FOXF2: variants seen among roughly 807,000 people sequenced by gnomAD.
FOXF2 encodes forkhead box F2.
Under a neutral mutation model 29.1 loss-of-function variants are expected in FOXF2, and 15 were observed. The observed-to-expected ratio is 0.52, with a 90% CI of 0.35 to 0.79. The LOEUF is 0.79. Ranked by LOEUF, FOXF2 falls within the 30% of genes least tolerant of loss-of-function variation. The pLI is 0.01. For synonymous variants in FOXF2, 337 were observed against 316.5 expected (o/e 1.06, Z -0.69); for missense variants, 675 against 667.1 (o/e 1.01, Z -0.13).
chr6:1,390,440 C>A lies in FOXF2; in HGVS notation c.493C>A (p.Leu165Ile). The change falls in exon 1 of 2, where the codon CTC becomes ATC. Residue 165 changes from leucine (L) to isoleucine (I), a missense_variant. Physicochemically the swap from Leu to Ile is conservative, Grantham distance 5. Transcript: ENST00000645481. This position sits in a 1 kb window ranked among gnomAD's most constrained non-coding sequence, Gnocchi z 8.5. Reference protein sequence around the residue: ...NECFIKLPKGLGRPGKGHYWT... With the variant: ...NECFIKLPKGIGRPGKGHYWT... ...GTGCTTCATCAAGCTGCCTAAGGGC[C>A]TCGGGCGGCCCGGCAAGGGCCACTA... is the stretch of plus-strand genomic sequence containing the variant. 6.2e-7 allele frequency: 1 copy of A among 1,612,016 alleles called. No individual in the cohort carries two copies. Among genetic ancestry groups the A allele is most frequent in the South Asian group, 1.1e-5 (1 of 91,090 alleles).
rs1257382159 is a variant in FOXF2 at position 1,394,990 on chromosome 6, G to A, written c.*131G>A. On this transcript the variant is annotated 3_prime_UTR_variant, in exon 2 of 2. Coordinates refer to ENST00000645481, the MANE Select transcript of FOXF2 (RefSeq NM_001452.2). ...CACACACCTGCCACTTAGCCAGAATGCCCAGGATCGCGTTGGTCACTGTTA... is the reference window on the plus strand; with the variant it reads ...CACACACCTGCCACTTAGCCAGAATACCCAGGATCGCGTTGGTCACTGTTA... The A allele has an allele frequency of 4.4e-6, 4 of 905,416 alleles. No homozygotes were observed. The African/African-American group carries it at 6.6e-5, about 15-fold the overall frequency. 56.1% of individuals were successfully genotyped at this position (905,416 alleles called of 1,614,324 possible).
intron 1 of FOXF2, among the ~76,000 whole-genome samples, chr6:1,391,598 C>G (rs1612847): frequency 0.87 from 131,987 of 152,078 alleles, 57,809 homozygotes; most frequent in East Asian, 1. Flanking sequence ...GTGTCTGCAG[C>G]GAGATGTTTG....
At chr6:1,392,810 C>CCCAGCGGCCT (rs1233730761) in intron 1 of FOXF2, among the ~76,000 whole-genome samples, 1 of 152,244 alleles carries the variant, frequency 6.6e-6, no homozygotes, top group Non-Finnish European at 1.5e-5. Flanking sequence ...TGTGCCCCTA[C>CCCAGCGGCCT]CCAGCGGCCT....
Position 1,390,846 on chromosome 6 carries a change from C to A in FOXF2, c.899C>A (p.Ala300Asp). 2.9e-6 allele frequency: 4 copies of A among 1,375,254 alleles called. No homozygotes were observed. Among genetic ancestry groups the A allele is most frequent in the Non-Finnish European group, 3.7e-6 (4 of 1,081,972 alleles). 85.2% of individuals were successfully genotyped at this position (1,375,254 alleles called of 1,614,324 possible). The change falls in exon 1 of 2, where the codon GCC (alanine) becomes GAC (aspartate). Residue 300 changes from alanine to aspartate, a missense_variant. This residue lies in a region of FOXF2 where 451 missense variants were observed against 437.2 expected (regional missense o/e 1.03). Transcript: ENST00000645481. The surrounding 1 kb of genome is among the most constrained non-coding windows in gnomAD (Gnocchi z 8.5). ...VPAGPGGVGA[A>D]GGGGGGDYGP... ...GCGGGACCCGGGGGCGTCGGTGCGG[C>A]CGGGGGCGGCGGCGGCGGCGACTAC... is the stretch of plus-strand genomic sequence containing the variant.
In FOXF2 at chr6:1,391,001, C is replaced by T. The variant is rs745854732; in HGVS notation, c.1054C>T (p.Pro352Ser). ...SPGASPYLKQ[P>S]PALTPSSNPA... ...TGGCGCCTCGCCTTACCTCAAGCAG[C>T]CGCCTGCCCTGACGCCCAGCAGCAA... The change falls in exon 1 of 2, where the codon CCG becomes TCG. Residue 352 changes from proline (P) to serine (S), a missense_variant. By Grantham distance (74) the Pro-to-Ser change is moderately conservative (BLOSUM62 -1). Around this residue, in one of 3 missense-constraint regions of FOXF2, gnomAD observed 451 missense variants for 437.2 expected, o/e 1.03. Transcript: ENST00000645481. The T allele has an allele frequency of 1.3e-6, 2 of 1,596,988 alleles. No homozygotes were observed. Among genetic ancestry groups the T allele is most frequent in the Non-Finnish European group, 8.5e-7 (1 of 1,177,900 alleles).
Position 1,390,602 on chromosome 6 carries a change from T to A in FOXF2, c.655T>A (p.Ser219Thr). Residue 219 changes from serine to threonine, a missense_variant, in exon 1 of 2, where the codon TCG becomes ACG. By Grantham distance (58) the Ser-to-Thr change is moderately conservative (BLOSUM62 1). Coordinates refer to ENST00000645481, the MANE Select transcript of FOXF2 (RefSeq NM_001452.2). The surrounding 1 kb of genome is among the most constrained non-coding windows in gnomAD (Gnocchi z 8.5). Reference protein sequence around the residue: ...RVVSGLGFGASLLPQGFDFQA... With the variant: ...RVVSGLGFGATLLPQGFDFQA... ...GGTGAGCGGCTTGGGCTTCGGGGCG[T>A]CGCTGCTGCCCCAGGGCTTCGACTT... The A allele has an allele frequency of 1.3e-6, 2 of 1,595,456 alleles. No individual in the cohort carries two copies. The highest frequency in any genetic ancestry group is 1.7e-6 in the Non-Finnish European group (2 of 1,176,376).
At chr6:1,393,060 G>A (rs1445353061) in intron 1 of FOXF2, among the ~76,000 whole-genome samples, 3 of 152,218 alleles carry the variant, frequency 2.0e-5, no homozygotes, top group Non-Finnish European at 2.9e-5. Context: ...GGCCTAGTTG[G>A]GAGCGCGCCG....
chr6:1,391,104 G>A lies in FOXF2; in HGVS notation c.1157G>A (p.Arg386His), dbSNP rs376820659. Residue 386 changes from arginine to histidine, a missense_variant, in exon 1 of 2, where the codon CGC (arginine) becomes CAC (histidine). Arg to His is a conservative substitution (Grantham distance 29). Around this residue, in one of 3 missense-constraint regions of FOXF2, gnomAD observed 451 missense variants for 437.2 expected, o/e 1.03. Transcript: ENST00000645481. Reference protein sequence around the residue: ...LEQSYLHQNAREDLSVGLPRY... With the variant: ...LEQSYLHQNAHEDLSVGLPRY... The stretch of plus-strand genomic sequence containing the variant: ...CAGAGCTACTTGCACCAGAACGCTC[G>A]CGAGGACCTCTCAGGTAACGCAGCA... 6.2e-7 allele frequency: 1 copy of A among 1,602,498 alleles called. No individual in the cohort carries two copies. Among genetic ancestry groups the A allele is most frequent in the Non-Finnish European group, 8.5e-7 (1 of 1,179,784 alleles).
chr6:1,391,578 G>C (rs1758788588), intron 1 of FOXF2, among the ~76,000 whole-genome samples: 2 of 152,122 alleles, frequency 1.3e-5, no homozygotes, highest in South Asian at 4.1e-4. Context: ...GATATGTTCT[G>C]TATGTTGGGG....
At position 1,395,308 on chromosome 6, in the gene FOXF2, G is replaced by C. The variant is rs1758901069; in HGVS notation, c.*449G>C. 2 of 180,242 alleles carry C rather than the reference G, an allele frequency of 1.1e-5. No individual in the cohort carries two copies. The highest frequency in any genetic ancestry group is 4.7e-5 in the African/African-American group (2 of 42,348). 11.2% of individuals were successfully genotyped at this position (180,242 alleles called of 1,614,324 possible). A position where few individuals can be genotyped will look rare whatever the true frequency, so the allele number is the denominator to read the frequency against. On this transcript the variant is annotated 3_prime_UTR_variant, in exon 2 of 2. Coordinates refer to ENST00000645481, the MANE Select transcript of FOXF2 (RefSeq NM_001452.2). Reference sequence around the variant, plus strand: ...CTTCTTGTTGCCTAGCTGAGTGGGAGAGTCATTTTCCCCAGACACTACATT... The same window carrying C: ...CTTCTTGTTGCCTAGCTGAGTGGGACAGTCATTTTCCCCAGACACTACATT...
Position 1,390,071 on chromosome 6 carries a change from C to CCT in FOXF2, c.125_126insTC (p.Glu43ArgfsTer80). On this transcript the variant is annotated frameshift_variant, in exon 1 of 2. Transcript: ENST00000645481. LOFTEE classifies it high-confidence loss of function. This position sits in a 1 kb window ranked among gnomAD's most constrained non-coding sequence, Gnocchi z 8.5. ...CGCCGCCGCCGCCGCCGCCGCCGCC[C>CCT]CGGAGACCACCTCCTCCTCCTCGTC... The CCT allele has an allele frequency of 1.4e-6, 2 of 1,381,690 alleles. No individual in the cohort carries two copies. The highest frequency in any genetic ancestry group is 2.9e-5 in the South Asian group (2 of 68,094). 85.6% of individuals were successfully genotyped at this position (1,381,690 alleles called of 1,614,324 possible).
chr6:1,393,420 G>A (rs1038505575), intron 1 of FOXF2, among the ~76,000 whole-genome samples: 1 of 151,996 alleles, frequency 6.6e-6, no homozygotes, highest in Non-Finnish European at 1.5e-5. Flanking sequence ...TCCAGGACTT[G>A]CCATCAGAAC....
intron 1 of FOXF2, among the ~76,000 whole-genome samples, chr6:1,393,167 C>T (rs1034094174): frequency 1.3e-5 from 2 of 151,850 alleles, no homozygotes; most frequent in South Asian, 4.2e-4. Context: ...ACACCCAGCA[C>T]GACCCTCCCT....
In FOXF2 at chr6:1,390,585, G is replaced by A. The variant is rs769901978; in HGVS notation, c.638G>A (p.Gly213Asp). Residue 213 changes from glycine to aspartate, a missense_variant, in exon 1 of 2, where the codon GGC (glycine) becomes GAC (aspartate). Physicochemically the swap from Gly to Asp is moderately conservative, Grantham distance 94 (BLOSUM62 -1). Transcript: ENST00000645481. The surrounding 1 kb of genome is among the most constrained non-coding windows in gnomAD (Gnocchi z 8.5). The part of the protein sequence containing the change: ...LKPMYHRVVS[G>D]LGFGASLLPQ... ...CCCATGTACCACCGCGTGGTGAGCG[G>A]CTTGGGCTTCGGGGCGTCGCTGCTG... The A allele has an allele frequency of 6.3e-7, 1 of 1,598,844 alleles. No homozygotes were observed. The highest frequency in any genetic ancestry group is 8.5e-7 in the Non-Finnish European group (1 of 1,176,514).
intron 1 of FOXF2, 96 bp downstream of exon 1, chr6:1,391,214 A>C: frequency 6.4e-7 from 1 of 1,558,004 alleles, no homozygotes. Flanking sequence ...GGGACCCCGA[A>C]GCTAGGAGGT....
chr6:1,391,637 T>G, intron 1 of FOXF2, among the ~76,000 whole-genome samples: 1 of 149,768 alleles, frequency 6.7e-6, no homozygotes, highest in African/African-American at 2.5e-5. Context: ...GAGGAGGGGG[T>G]GGGAGGGACA....
Position 1,390,068 on chromosome 6 carries a change from GCCC to G in FOXF2, c.123_125del (p.Pro42del). On this transcript the variant is annotated inframe_deletion, in exon 1 of 2. Transcript: ENST00000645481. This position sits in a 1 kb window ranked among gnomAD's most constrained non-coding sequence, Gnocchi z 8.5. Reference sequence around the variant, plus strand: ...CGCCGCCGCCGCCGCCGCCGCCGCCGCCCCGGAGACCACCTCCTCCTCCTCGTC... The same window carrying G: ...CGCCGCCGCCGCCGCCGCCGCCGCCGCGGAGACCACCTCCTCCTCCTCGTC... 7.2e-7 allele frequency: 1 copy of G among 1,382,228 alleles called. No homozygotes were observed. The highest frequency in any genetic ancestry group is 9.5e-7 in the Non-Finnish European group (1 of 1,056,644). 85.6% of individuals were successfully genotyped at this position (1,382,228 alleles called of 1,614,324 possible). A position where few individuals can be genotyped will look rare whatever the true frequency, so the allele number is the denominator to read the frequency against.
chr6:1,392,452 A>T (rs1469115700), intron 1 of FOXF2, among the ~76,000 whole-genome samples: 9 of 150,546 alleles, frequency 6.0e-5, no homozygotes, highest in Non-Finnish European at 7.4e-5. Context: ...ACACACACAC[A>T]CACACACACA....
In FOXF2 at chr6:1,394,874, A is replaced by C. The variant is rs1325967894; in HGVS notation, c.*15A>C. On this transcript the variant is annotated 3_prime_UTR_variant, in exon 2 of 2. Transcript: ENST00000645481. Reference sequence around the variant, plus strand: ...GCGTCATGTGAACGGAAAGAGGCCAAGCGATGGCCGCTCTCTCCTCTCCCC... The same window carrying C: ...GCGTCATGTGAACGGAAAGAGGCCACGCGATGGCCGCTCTCTCCTCTCCCC... 6.2e-7 allele frequency: 1 copy of C among 1,613,824 alleles called. No homozygotes were observed. Among genetic ancestry groups the C allele is most frequent in the African/African-American group, 1.3e-5 (1 of 74,912 alleles).
Sources: allele counts gnomAD v4.1 joint callset (sites outside exome capture counted in the v4.1 genomes callset), GRCh38; gene constraint gnomAD v4.1.1; regional missense constraint gnomAD v4.1.1; non-coding constraint Gnocchi (gnomAD v3.1); transcripts MANE v1.5; gene names NCBI Gene and HGNC (gene_info 2026-07-23, HGNC 2026-07-21).